The following TULP4 variants were observed in gnomAD, a reference collection of about 807,000 sequenced individuals.
The protein encoded by TULP4 is tubby-related protein 4.
In TULP4, 16 loss-of-function variants were observed where a neutral mutation model predicts 129.0. The ratio of observed to expected loss-of-function variants is 0.12; its 90% CI spans 0.08 to 0.19. The LOEUF is 0.19. Among genes scored for constraint, TULP4 ranks in the 10% least tolerant of loss-of-function variants. The pLI is 1.00. For missense variants in TULP4, 1,842 were observed against 2,059.1 expected, an observed-to-expected ratio of 0.89 and a Z score of 2.04; for synonymous variants, 998 against 854.0, an observed-to-expected ratio of 1.17 and a Z score of -2.94.
intron 1 of TULP4, among the ~76,000 whole-genome samples, chr6:158,349,446 C>G (rs1487690990): frequency 7.1e-6 from 1 of 140,700 alleles, no homozygotes; most frequent in African/African-American, 2.6e-5. Flanking sequence ...GACGGGGCGG[C>G]TGGGCAGAGG....
intron 6 of TULP4, among the ~76,000 whole-genome samples, chr6:158,471,038 A>C (rs992826841): frequency 2.0e-5 from 3 of 152,232 alleles, no homozygotes; most frequent in African/African-American, 7.2e-5. Context: ...GAAAAAGTAC[A>C]GCAAGGGACA....
chr6:158,413,732 G>T lies in TULP4; in HGVS notation c.381+539G>T, dbSNP rs1438812202. ...TCAGGAAACAGTTGCACCCAGGACA[G>T]CCTGCTGAGCTGCGCTGTTTCTAGA... On this transcript the variant is annotated intron_variant, in intron 2 of 13. Transcript: ENST00000367097. This position sits in a 1 kb window ranked among gnomAD's most constrained non-coding sequence, Gnocchi z 4.9. Among the ~76,000 whole-genome samples, 1 of 152,196 alleles carries T rather than the reference G, an allele frequency of 6.6e-6. No homozygotes were observed. Among genetic ancestry groups the T allele is most frequent in the Non-Finnish European group, 1.5e-5 (1 of 68,044 alleles).
intron 1 of TULP4, among the ~76,000 whole-genome samples, chr6:158,411,613 T>C (rs1226303511): frequency 6.6e-6 from 1 of 152,188 alleles, no homozygotes; most frequent in Admixed American, 6.5e-5. Flanking sequence ...CTTGAAAAAT[T>C]TGATTTTATT....
chr6:158,450,759 A>G (rs890776910), intron 4 of TULP4, among the ~76,000 whole-genome samples: 36 of 152,126 alleles, frequency 2.4e-4, no homozygotes, highest in African/African-American at 8.7e-4. Flanking sequence ...ATTGAAAAAA[A>G]AAAAAGAAAA....
At chr6:158,336,013 A>G (rs1433753578) in intron 1 of TULP4, among the ~76,000 whole-genome samples, 1 of 152,226 alleles carries the variant, frequency 6.6e-6, no homozygotes, top group African/African-American at 2.4e-5. Context: ...AGATATTGCC[A>G]AACTTCTTTC....
chr6:158,393,107 C>G (rs1342218977), intron 1 of TULP4, among the ~76,000 whole-genome samples: 1 of 152,082 alleles, frequency 6.6e-6, no homozygotes, highest in Admixed American at 6.5e-5. Context: ...GGCTACAGGC[C>G]CCATGCAAGA....
chr6:158,419,380 A>T (rs773954684), intron 2 of TULP4, among the ~76,000 whole-genome samples: 1 of 152,252 alleles, frequency 6.6e-6, no homozygotes, highest in Non-Finnish European at 1.5e-5. Flanking sequence ...GCAACATTGA[A>T]GATTATAGAT....
intron 1 of TULP4, among the ~76,000 whole-genome samples, chr6:158,252,623 C>T (rs779938560): frequency 1.1e-4 from 17 of 152,168 alleles, no homozygotes; most frequent in Non-Finnish European, 2.1e-4. Context: ...ATCTGCCCGC[C>T]TCGGCCTCCC....
chr6:158,335,073 C>A (rs1047749382), intron 1 of TULP4, among the ~76,000 whole-genome samples: 1 of 151,952 alleles, frequency 6.6e-6, no homozygotes, highest in Non-Finnish European at 1.5e-5. Context: ...GTCAGGAGTT[C>A]GAGACCAGCC....
Position 158,452,225 on chromosome 6 carries a change from C to T in TULP4, c.816C>T (p.Asn272=), listed in dbSNP as rs751512108. 1 of 1,614,210 alleles carries T rather than the reference C, an allele frequency of 6.2e-7. No individual in the cohort carries two copies. The highest frequency in any genetic ancestry group is 2.2e-5 in the East Asian group (1 of 44,892). The change falls in exon 5 of 14, where the codon AAC becomes AAT. Residue 272 remains asparagine (N), a synonymous_variant. Transcript: ENST00000367097. ...FTSGDISLMN[N]YDDLSPTVIR... ...CGGGAGACATCAGCTTAATGAACAA[C>T]TACGATGACTTGTCTCCCACGGTCA... is the stretch of plus-strand genomic sequence containing the variant.
intron 1 of TULP4, 97 bp from the exon 2 acceptor site, chr6:158,412,968 C>T (rs1778129945): frequency 6.8e-7 from 1 of 1,472,930 alleles, no homozygotes; most frequent in Non-Finnish European, 9.1e-7. Context: ...CCTTTATTGA[C>T]TGCATTCTAA....
At chr6:158,246,023 G>GGGTGTGTGTGTGTGTGTGTGT in intron 1 of TULP4, among the ~76,000 whole-genome samples, 1 of 145,822 alleles carries the variant, frequency 6.9e-6, no homozygotes, top group South Asian at 2.2e-4. Context: ...ACCCCTTAGG[G>GGGTGTGTGTGTGTGTGTGTGT]GTGTGTGTGT....
In TULP4 at chr6:158,481,300, C is replaced by T. The variant is rs1779939702; in HGVS notation, c.1486+11C>T. 1 of 1,608,310 alleles carries T rather than the reference C, an allele frequency of 6.2e-7. No homozygotes were observed. Among genetic ancestry groups the T allele is most frequent in the East Asian group, 2.2e-5 (1 of 44,522 alleles). On this transcript the variant is annotated intron_variant, in intron 8 of 13. Coordinates refer to ENST00000367097, the MANE Select transcript of TULP4 (RefSeq NM_020245.5). ...CAGATAGCAAACCAGGTGGGCCCCT[C>T]ACCCGAGGGACTGGGACCTTGTTCT...
rs755545579 is a variant in TULP4, at chr6:158,498,659, T to C, written c.1871-10T>C. On this transcript the variant is annotated splice_polypyrimidine_tract_variant and intron_variant, in intron 11 of 13. Transcript: ENST00000367097. The stretch of plus-strand genomic sequence containing the variant: ...TCTCTGTTAACTGTGCCCTTCTTTT[T>C]CCCCACCAGTAATCTATAAAACCAG... 6.2e-7 allele frequency: 1 copy of C among 1,614,138 alleles called. No individual in the cohort carries two copies. The highest frequency in any genetic ancestry group is 1.1e-5 in the South Asian group (1 of 91,068).
At chr6:158,450,584 T>C (rs375776333) in intron 4 of TULP4, among the ~76,000 whole-genome samples, 1 of 152,154 alleles carries the variant, frequency 6.6e-6, no homozygotes, top group South Asian at 2.1e-4. Context: ...AATTTAGGAA[T>C]TAACCATCCC....
rs1780540844 is a variant in TULP4, at chr6:158,504,078, C to T, written c.4415C>T (p.Pro1472Leu). 1.2e-6 allele frequency: 2 copies of T among 1,608,048 alleles called. No homozygotes were observed. The highest frequency in any genetic ancestry group is 1.7e-6 in the Non-Finnish European group (2 of 1,177,530). The stretch of plus-strand genomic sequence containing the variant: ...GTGTACGTGATGGCCAACAAGCAGC[C>T]GCTGTGGAACGAGGCCACCCAGGTC... ...GFVYVMANKQ[P>L]LWNEATQVYQ... is the part of the protein sequence containing the mutation. The change falls in exon 13 of 14, where the codon CCG (proline) becomes CTG (leucine). Residue 1472 changes from proline (P) to leucine (L), a missense_variant. Pro to Leu is a moderately conservative substitution (Grantham distance 98). Around this residue, in one of 5 missense-constraint regions of TULP4, gnomAD observed 47 missense variants for 104.0 expected, o/e 0.45. Coordinates refer to ENST00000367097, the MANE Select transcript of TULP4 (RefSeq NM_020245.5).
In TULP4 at chr6:158,503,066, C is replaced by T. The variant is rs771814412; in HGVS notation, c.3403C>T (p.Pro1135Ser). ...DPMLGEDVWVPQERTAQTSGP... is the reference protein window; with the variant it reads ...DPMLGEDVWVSQERTAQTSGP... The stretch of plus-strand genomic sequence containing the variant: ...CATGCTGGGTGAGGATGTTTGGGTT[C>T]CTCAAGAAAGGACAGCACAGACTTC... Residue 1135 changes from proline to serine, a missense_variant, in exon 13 of 14, where the codon CCT becomes TCT. Transcript: ENST00000367097. The surrounding 1 kb of genome is among the most constrained non-coding windows in gnomAD (Gnocchi z 4.3). The T allele has an allele frequency of 9.9e-6, 16 of 1,614,134 alleles. No individual in the cohort carries two copies. The highest frequency in any genetic ancestry group is 1.3e-5 in the Non-Finnish European group (15 of 1,180,014).
intron 1 of TULP4, among the ~76,000 whole-genome samples, chr6:158,403,797 A>G (rs898091717): frequency 6.6e-6 from 1 of 152,218 alleles, no homozygotes; most frequent in Non-Finnish European, 1.5e-5. Context: ...GTAGTCAGTC[A>G]GCTAGTTCAG....
At chr6:158,401,819 T>C (rs1402357611) in intron 1 of TULP4, among the ~76,000 whole-genome samples, 2 of 152,034 alleles carry the variant, frequency 1.3e-5, no homozygotes, top group Non-Finnish European at 2.9e-5. Flanking sequence ...TTTTTTTTTT[T>C]CATTTTAAAA....
Sources: allele counts gnomAD v4.1 joint callset (sites outside exome capture counted in the v4.1 genomes callset), GRCh38; gene constraint gnomAD v4.1.1; regional missense constraint gnomAD v4.1.1; non-coding constraint Gnocchi (gnomAD v3.1); transcripts MANE v1.5; gene names NCBI Gene and HGNC (gene_info 2026-07-23, HGNC 2026-07-21).